Variants in MICAL2 observed in about 807,000 individuals in gnomAD.
The protein encoded by MICAL2 is [F-actin]-monooxygenase MICAL2.
A neutral mutation model predicts 127.3 loss-of-function variants in MICAL2; 77 were observed. The ratio of observed to expected loss-of-function variants is 0.60; its 90% CI spans 0.50 to 0.73. The LOEUF is 0.73. Ranked by LOEUF, MICAL2 falls within the 30% of genes least tolerant of loss-of-function variation. The probability of loss-of-function intolerance (pLI) is 0.00; values close to 1 mark genes in which losing one functional copy is unlikely to be tolerated. For missense variants in MICAL2, 1,351 were observed against 1,434.4 expected (o/e 0.94, Z 0.94); for synonymous variants, 570 against 551.1 (o/e 1.03, Z -0.48).
intron 2 of MICAL2, among the ~76,000 whole-genome samples, chr11:12,283,539 A>G (rs1179238534): frequency 6.6e-6 from 1 of 152,190 alleles, no homozygotes; most frequent in Non-Finnish European, 1.5e-5. Flanking sequence ...ACTTAGATGA[A>G]CCTGCAAAGC....
At chr11:12,319,435 C>A (rs961650539) in intron 29 of MICAL2, among the ~76,000 whole-genome samples, 7 of 114,596 alleles carry the variant, frequency 6.1e-5, no homozygotes, top group Admixed American at 3.3e-4. Flanking sequence ...CTGCATAATA[C>A]CTTGGTTTTT....
intron 34 of MICAL2, among the ~76,000 whole-genome samples, chr11:12,357,023 A>G (rs1015504810): frequency 3.3e-5 from 5 of 152,234 alleles, no homozygotes; most frequent in African/African-American, 9.6e-5. Context: ...GAGACCGAGC[A>G]TGGGGCTCTA....
chr11:12,171,515 G>C (rs577460397), intron 3 of MICAL2, among the ~76,000 whole-genome samples: 70 of 152,200 alleles, frequency 4.6e-4, no homozygotes, highest in Non-Finnish European at 1.5e-4. Context: ...TGATGTGAAT[G>C]TATCTGTCTA....
rs556980547 is a variant in MICAL2 at position 12,321,560 on chromosome 11, A to G, written c.5328+1749A>G. ...GTCTTTGATTCTGCCAAGCTTCTGCATCTTTTCTTCCCTAGCCCTTAGCGT... is the reference window on the plus strand; with the variant it reads ...GTCTTTGATTCTGCCAAGCTTCTGCGTCTTTTCTTCCCTAGCCCTTAGCGT... On this transcript the variant is annotated intron_variant, in intron 30 of 34. Transcript: ENST00000646065. Among the ~76,000 whole-genome samples the G allele has an allele frequency of 1.5e-3, 233 of 152,312 alleles. 2 individuals are homozygous for G. Among genetic ancestry groups the G allele is most frequent in the African/African-American group, 5.2e-3 (216 of 41,578 alleles).
intron 33 of MICAL2, among the ~76,000 whole-genome samples, chr11:12,350,517 A>G (rs4757384): frequency 0.18 from 27,706 of 152,134 alleles, 2,990 homozygotes; most frequent in East Asian, 0.51. Flanking sequence ...TTGAAGTGCC[A>G]TAAGTTGTGC....
At chr11:12,121,082 A>G (rs1458659513) in intron 1 of MICAL2, among the ~76,000 whole-genome samples, 2 of 151,700 alleles carry the variant, frequency 1.3e-5, no homozygotes, top group Non-Finnish European at 2.9e-5. Flanking sequence ...CCTTTTTGGA[A>G]CTCCTGGTTA....
At chr11:12,198,358 A>G (rs1860217407) in intron 3 of MICAL2, among the ~76,000 whole-genome samples, 1 of 152,234 alleles carries the variant, frequency 6.6e-6, no homozygotes, top group African/African-American at 2.4e-5. Flanking sequence ...TGTTAACCCC[A>G]TCTCTCATGA....
At chr11:12,299,820 C>G (rs905176502) in intron 29 of MICAL2, among the ~76,000 whole-genome samples, 5 of 152,194 alleles carry the variant, frequency 3.3e-5, no homozygotes, top group Non-Finnish European at 5.9e-5. Context: ...TGCTTTCTCC[C>G]CATTATATGC....
At chr11:12,264,960 T>C (rs1035144458), downstream of MICAL2, among the ~76,000 whole-genome samples, 2 of 152,246 alleles carry the variant, frequency 1.3e-5, no homozygotes, top group Admixed American at 1.3e-4. Flanking sequence ...TAACTGTGCA[T>C]GTGCTCATTT....
At chr11:12,116,948 G>C (rs1000473420) in intron 1 of MICAL2, 1 of 152,042 alleles carries the variant, frequency 6.6e-6, no homozygotes, top group African/African-American at 2.4e-5. Flanking sequence ...GTGTTTTTAG[G>C]GTTGAAATTT....
chr11:12,301,757 T>A (rs1864049657), intron 29 of MICAL2, among the ~76,000 whole-genome samples: 1 of 152,304 alleles, frequency 6.6e-6, no homozygotes, highest in South Asian at 2.1e-4. Context: ...TTAGTCCAGC[T>A]GCATCTGTTA....
At chr11:12,339,270 G>A (rs58349033) in intron 32 of MICAL2, among the ~76,000 whole-genome samples, 1,927 of 152,244 alleles carry the variant, frequency 0.013, 37 homozygotes, top group African/African-American at 0.044. Context: ...CATTTGTCAC[G>A]TAGTTCTCGT....
intron 9 of MICAL2, among the ~76,000 whole-genome samples, chr11:12,220,835 G>A (rs3923360): frequency 0.53 from 80,761 of 152,134 alleles, 22,344 homozygotes; most frequent in East Asian, 0.94. Context: ...GAGATCACAC[G>A]GAGTGCAGGA....
At chr11:12,132,338 A>G (rs191339905) in intron 1 of MICAL2, among the ~76,000 whole-genome samples, 112 of 152,318 alleles carry the variant, frequency 7.4e-4, no homozygotes, top group African/African-American at 2.3e-3. Context: ...TTGCCCATGG[A>G]TCCCTGCTAG....
intron 26 of MICAL2, 173 bp from the exon 27 acceptor site, chr11:12,262,307 T>C: frequency 6.9e-7 from 1 of 1,452,566 alleles, no homozygotes; most frequent in East Asian, 2.4e-5. Flanking sequence ...CCAGAAAGGT[T>C]CATCTCTCCT....
intron 2 of MICAL2, among the ~76,000 whole-genome samples, chr11:12,147,929 T>C (rs1331316018): frequency 6.6e-6 from 1 of 152,212 alleles, no homozygotes; most frequent in Non-Finnish European, 1.5e-5. Context: ...CCTGGGCGAA[T>C]CTGCCCGACA....
chr11:12,324,209 A>G (rs965913689), intron 31 of MICAL2: 17 of 1,037,954 alleles, frequency 1.6e-5, no homozygotes, highest in Non-Finnish European at 2.1e-5. Flanking sequence ...CTGAGGAACC[A>G]GATTTGTGGC....
intron 21 of MICAL2, among the ~76,000 whole-genome samples, chr11:12,246,501 C>T (rs933958118): frequency 6.6e-6 from 1 of 152,254 alleles, no homozygotes; most frequent in African/African-American, 2.4e-5. Context: ...ACCCTTCAGT[C>T]CTCCTGGGTC....
intron 32 of MICAL2, among the ~76,000 whole-genome samples, chr11:12,332,044 T>C (rs1013983549): frequency 2.0e-5 from 3 of 152,200 alleles, no homozygotes; most frequent in Non-Finnish European, 4.4e-5. Flanking sequence ...TGAGGACTCA[T>C]TGTTATCACT....
Sources: gnomAD v4.1 joint callset for allele counts (sites outside exome capture counted in the v4.1 genomes callset) on GRCh38, gnomAD v4.1.1 for gene constraint, MANE v1.5 for transcripts, NCBI Gene and HGNC (gene_info 2026-07-23, HGNC 2026-07-21) for gene names.